NPAS3: variants seen among roughly 807,000 people sequenced by gnomAD.
The protein encoded by NPAS3 is neuronal PAS domain protein 3, also known as neuronal PAS domain-containing protein 3.
A neutral mutation model predicts 73.1 loss-of-function variants in NPAS3; 14 were observed. The observed-to-expected ratio is 0.19, with a 90% confidence interval of 0.13 to 0.30. The LOEUF is 0.30. NPAS3 is among the 10% of genes least tolerant of loss of function. The pLI, the probability that NPAS3 is intolerant of heterozygous loss-of-function variation, is 1.00. For synonymous variants in NPAS3, 620 were observed against 541.5 expected (o/e 1.14, Z -2.01); for missense variants, 1,096 against 1,250.0 (o/e 0.88, Z 1.86).
chr14:32,966,182 T>C (rs1595107923), intron 1 of NPAS3, among the ~76,000 whole-genome samples: 1 of 152,234 alleles, frequency 6.6e-6, no homozygotes, highest in Admixed American at 6.5e-5. Flanking sequence ...AGATTCTTTA[T>C]AGAAATAGAA....
At chr14:33,613,387 G>A (rs2057811806) in intron 5 of NPAS3, among the ~76,000 whole-genome samples, 1 of 152,170 alleles carries the variant, frequency 6.6e-6, no homozygotes, top group African/African-American at 2.4e-5. Context: ...TCCTAAGAAA[G>A]CAGTCTGTTC....
chr14:32,972,191 G>C (rs1043301392), intron 1 of NPAS3, among the ~76,000 whole-genome samples: 2 of 151,964 alleles, frequency 1.3e-5, no homozygotes, highest in African/African-American at 4.8e-5. Flanking sequence ...GCCCACCTCA[G>C]CCTCCCAAAG....
At chr14:33,218,318 G>A (rs1190992691) in intron 3 of NPAS3, among the ~76,000 whole-genome samples, 1 of 152,012 alleles carries the variant, frequency 6.6e-6, no homozygotes, top group African/African-American at 2.4e-5. Context: ...GTCTACCCCG[G>A]CTCTCAAAAG....
chr14:33,513,367 ACAC>A (rs1368748319), intron 4 of NPAS3, among the ~76,000 whole-genome samples: 1 of 152,042 alleles, frequency 6.6e-6, no homozygotes, highest in Non-Finnish European at 1.5e-5. Context: ...TGTCACACTA[ACAC>A]CACCACAATA....
intron 4 of NPAS3, among the ~76,000 whole-genome samples, chr14:33,536,248 G>T (rs1046718360): frequency 5.9e-5 from 9 of 152,282 alleles, no homozygotes; most frequent in Admixed American, 2.0e-4. Flanking sequence ...GTTATGATAT[G>T]AAATTCTTAT....
chr14:33,281,588 C>T (rs930006670), intron 3 of NPAS3, among the ~76,000 whole-genome samples: 4 of 152,120 alleles, frequency 2.6e-5, no homozygotes, highest in Non-Finnish European at 5.9e-5. Context: ...GCCAAGATCG[C>T]GTCATTGCAC....
chr14:33,787,678 T>C (rs2063220848), intron 9 of NPAS3, among the ~76,000 whole-genome samples: 1 of 151,960 alleles, frequency 6.6e-6, no homozygotes, highest in Admixed American at 6.5e-5. Flanking sequence ...TTGCAAAATC[T>C]ATAGAAAAGT....
intron 4 of NPAS3, among the ~76,000 whole-genome samples, chr14:33,377,462 G>A (rs1361581752): frequency 1.3e-5 from 2 of 152,242 alleles, no homozygotes; most frequent in African/African-American, 4.8e-5. Flanking sequence ...ACGGTTTAAT[G>A]CACATATGCT....
chr14:33,492,325 G>A (rs1047528580), intron 4 of NPAS3, among the ~76,000 whole-genome samples: 1 of 152,088 alleles, frequency 6.6e-6, no homozygotes, highest in East Asian at 1.9e-4. Flanking sequence ...TAAACAATGT[G>A]GAAGTTGACA....
At position 33,612,988 on chromosome 14, in the gene NPAS3, T is replaced by C. The variant is rs558074920; in HGVS notation, c.558+52778T>C. 1.3e-3 allele frequency among the ~76,000 whole-genome samples: 192 copies of C among 152,380 alleles called. 1 individual carries two copies. Among genetic ancestry groups the C allele is most frequent in the African/African-American group, 4.0e-3 (165 of 41,592 alleles). The stretch of plus-strand genomic sequence containing the variant: ...GAAAAAGAAAAAAGCAAGTTTCTTA[T>C]AGCTTGCTGTTTTTATGTGTTTCAT... On this transcript the variant is annotated intron_variant, in intron 5 of 11. Coordinates refer to ENST00000356141, the Ensembl canonical transcript of NPAS3.
At chr14:33,337,334 A>G (rs1214167466) in intron 3 of NPAS3, among the ~76,000 whole-genome samples, 1 of 152,096 alleles carries the variant, frequency 6.6e-6, no homozygotes, top group African/African-American at 2.4e-5. Context: ...TTCCAGAAAC[A>G]TTGTTGGAAA....
intron 7 of NPAS3, among the ~76,000 whole-genome samples, chr14:33,760,269 C>T (rs956567507): frequency 2.6e-5 from 4 of 152,172 alleles, no homozygotes; most frequent in African/African-American, 9.7e-5. Context: ...CTCCCTCCTA[C>T]CTGGCTTTCC....
chr14:33,520,337 T>TA (rs1380403261), intron 4 of NPAS3, among the ~76,000 whole-genome samples: 1 of 152,160 alleles, frequency 6.6e-6, no homozygotes, highest in Non-Finnish European at 1.5e-5. Context: ...TAGGGTCTAT[T>TA]AATCTCAGAT....
chr14:33,643,931 G>T (rs979088218), intron 5 of NPAS3, among the ~76,000 whole-genome samples: 1 of 151,758 alleles, frequency 6.6e-6, no homozygotes, highest in Non-Finnish European at 1.5e-5. Flanking sequence ...CATTTCTCTT[G>T]TATATGATTG....
intron 3 of NPAS3, among the ~76,000 whole-genome samples, chr14:33,287,796 G>C (rs144505116): frequency 6.6e-6 from 1 of 152,056 alleles, no homozygotes; most frequent in South Asian, 2.1e-4. Context: ...ACTAGAGCAG[G>C]GTGAAAGAAC....
intron 3 of NPAS3, among the ~76,000 whole-genome samples, chr14:33,322,731 G>A (rs1240879179): frequency 6.6e-6 from 1 of 152,048 alleles, no homozygotes; most frequent in Non-Finnish European, 1.5e-5. Context: ...ACTACAGTAG[G>A]TGAACCAAAA....
intron 1 of NPAS3, among the ~76,000 whole-genome samples, chr14:32,940,265 A>G (rs959524007): frequency 6.6e-6 from 1 of 152,218 alleles, no homozygotes; most frequent in Non-Finnish European, 1.5e-5. Context: ...TAGTTAAACT[A>G]GTACAGCCAC....
rs375943831 is a variant in NPAS3, at chr14:33,048,544, C to G, written c.51-7361C>G. Among the ~76,000 whole-genome samples the G allele has an allele frequency of 2.6e-5, 4 of 152,194 alleles. No individual in the cohort carries two copies. The East Asian group carries it at 5.8e-4, about 22-fold the overall frequency. On this transcript the variant is annotated intron_variant, in intron 1 of 11. Transcript: ENST00000356141. ...TGACTTTGGGAGGACTCCCACCAAT[C>G]CCCATTTGCCTGCTGTTCTCTACAC...
At chr14:33,661,592 G>A (rs1475951447) in intron 5 of NPAS3, among the ~76,000 whole-genome samples, 1 of 152,052 alleles carries the variant, frequency 6.6e-6, no homozygotes, top group Non-Finnish European at 1.5e-5. Context: ...TTTCTGAATT[G>A]CCCAGAATAG....
Sources: allele counts gnomAD v4.1 joint callset (sites outside exome capture counted in the v4.1 genomes callset), GRCh38; gene constraint gnomAD v4.1.1; transcripts MANE v1.5; gene names NCBI Gene and HGNC (gene_info 2026-07-23, HGNC 2026-07-21).